ZNF564: variants seen among roughly 807,000 people sequenced by gnomAD.
ZNF564 encodes zinc finger protein 564.
Under a neutral mutation model 10.5 loss-of-function variants are expected in ZNF564, and 5 were observed. The ratio of observed to expected loss-of-function variants is 0.48; its 90% CI spans 0.25 to 1.00. The LOEUF is 1.00. Ranked by LOEUF, ZNF564 falls within the 50% of genes least tolerant of loss-of-function variation. The pLI, the probability that ZNF564 is intolerant of heterozygous loss-of-function variation, is 0.16. For synonymous variants in ZNF564, 242 were observed against 218.1 expected, an observed-to-expected ratio of 1.11 and a Z score of -0.97; for missense variants, 603 against 669.7, an observed-to-expected ratio of 0.90 and a Z score of 1.10.
rs1371383971 is a variant in ZNF564, at chr19:12,527,345, A to G, written c.763T>C (p.Cys255Arg). The change falls in exon 4 of 4, where the codon TGT becomes CGT. Residue 255 changes from cysteine to arginine, a missense_variant. Coordinates refer to ENST00000339282, the MANE Select transcript of ZNF564 (RefSeq NM_144976.4). ...TCAAAGGCTTTTCCACATTCCTGAC[A>G]TTTATAAGGTCCATCTCCAGTGTGC... is the stretch of plus-strand genomic sequence containing the variant. The part of the protein sequence containing the change: ...IRHTGDGPYK[C>R]QECGKAFDRP... The G allele has an allele frequency of 2.5e-6, 4 of 1,613,950 alleles. No individual in the cohort carries two copies. The highest frequency in any genetic ancestry group is 1.7e-5 in the Admixed American group (1 of 59,994).
At position 12,548,585 on chromosome 19, in the gene ZNF564, C is replaced by T. The variant is rs143974071; in HGVS notation, c.3+2745G>A. On this transcript the variant is annotated intron_variant, in intron 1 of 3. Transcript: ENST00000339282. ...CAGGATGGTCGCGATCTCCTGACCT[C>T]GTGATCCACCTGCCTTGGTGCTGGG... 803 of 508,552 alleles carry T rather than the reference C, an allele frequency of 1.6e-3. 6 individuals carry two copies. The highest frequency in any genetic ancestry group is 0.014 in the African/African-American group (745 of 52,464). The allele number at this position is 508,552 out of a possible 1,614,324, so 31.5% of individuals were successfully genotyped here. A position where few individuals can be genotyped will look rare whatever the true frequency, so the allele number is the denominator to read the frequency against.
chr19:12,544,268 G>A (rs2022112033), intron 1 of ZNF564, among the ~76,000 whole-genome samples: 1 of 151,196 alleles, frequency 6.6e-6, no homozygotes, highest in Admixed American at 6.6e-5. Flanking sequence ...GTGAACCTAT[G>A]ACAGAGCAGG....
chr19:12,541,787 A>G (rs984870392), intron 1 of ZNF564, among the ~76,000 whole-genome samples: 2 of 138,928 alleles, frequency 1.4e-5, no homozygotes, highest in Non-Finnish European at 3.1e-5. Flanking sequence ...AGGCCGAGGC[A>G]GGCGGATCAC....
intron 1 of ZNF564, among the ~76,000 whole-genome samples, chr19:12,543,742 A>AC (rs2022103686): frequency 1.3e-5 from 2 of 151,486 alleles, no homozygotes; most frequent in Non-Finnish European, 2.9e-5. Context: ...AAGACTTCGT[A>AC]CAGTACACTG....
chr19:12,528,764 T>C (rs1315950775), intron 1 of ZNF564, 68 bp from the exon 2 acceptor site: 4 of 1,517,646 alleles, frequency 2.6e-6, no homozygotes, highest in Non-Finnish European at 3.5e-6. Context: ...TAAACCCAAT[T>C]CATAAAAGTT....
chr19:12,548,941 T>C, intron 1 of ZNF564: 1 of 695,526 alleles, frequency 1.4e-6, no homozygotes. Context: ...TCTGTAGCCA[T>C]AATGGAAGAC....
intron 1 of ZNF564, among the ~76,000 whole-genome samples, chr19:12,533,748 A>AAAAC (rs2021854041): frequency 2.7e-5 from 4 of 149,884 alleles, no homozygotes; most frequent in Non-Finnish European, 5.9e-5. Flanking sequence ...AAAAAAAAAA[A>AAAAC]AACAGAAAAA....
rs777354892 is a variant in ZNF564, at chr19:12,526,649, T to C, written c.1459A>G (p.Asn487Asp). The change falls in exon 4 of 4, where the codon AAT (asparagine) becomes GAT (aspartate). Residue 487 changes from asparagine to aspartate, a missense_variant. Physicochemically the swap from Asn to Asp is conservative, Grantham distance 23 (BLOSUM62 1). Transcript: ENST00000339282. ...TGTATTCTAATGGAACTGGCATAAT[T>C]GAATGCTTTCCCACATTCTTTACAT... is the stretch of plus-strand genomic sequence containing the variant. ...YECKECGKAF[N>D]YASSIRIHER... The C allele has an allele frequency of 1.2e-6, 2 of 1,614,146 alleles. No individual in the cohort carries two copies. Among genetic ancestry groups the C allele is most frequent in the South Asian group, 2.2e-5 (2 of 91,080 alleles).
chr19:12,535,043 G>GCAA (rs2021882325), intron 1 of ZNF564, among the ~76,000 whole-genome samples: 1 of 152,042 alleles, frequency 6.6e-6, no homozygotes, highest in African/African-American at 2.4e-5. Context: ...ATGAAAAGAA[G>GCAA]ATATCAAGCC....
chr19:12,538,403 A>G (rs1456139285), intron 1 of ZNF564, among the ~76,000 whole-genome samples: 1 of 151,928 alleles, frequency 6.6e-6, no homozygotes, highest in East Asian at 1.9e-4. Flanking sequence ...AGGTGGGTGG[A>G]TCACGAGGTC....
At chr19:12,549,303 C>T (rs1337498594) in intron 1 of ZNF564, among the ~76,000 whole-genome samples, 1 of 152,098 alleles carries the variant, frequency 6.6e-6, no homozygotes, top group Non-Finnish European at 1.5e-5. Context: ...CAGGGAGAGG[C>T]AATGCTGACC....
At chr19:12,547,472 G>C (rs774855418) in intron 1 of ZNF564, among the ~76,000 whole-genome samples, 10 of 152,036 alleles carry the variant, frequency 6.6e-5, no homozygotes, top group East Asian at 1.9e-4. Flanking sequence ...CGGATTTCTT[G>C]TATTTGAGGA....
At position 12,551,392 on chromosome 19, in the gene ZNF564, C is replaced by G; in HGVS notation, c.-60G>C. The G allele has an allele frequency of 6.6e-7, 1 of 1,519,250 alleles. No individual in the cohort carries two copies. Among genetic ancestry groups the G allele is most frequent in the African/African-American group, 1.4e-5 (1 of 70,958 alleles). 94.1% of individuals were successfully genotyped at this position (1,519,250 alleles called of 1,614,324 possible). ...ACGGCTCTCTCCGGCCTGTGCAGGT[C>G]CCAGCGCGCCAGACGCTGCGGTGGA... is the stretch of plus-strand genomic sequence containing the variant. On this transcript the variant is annotated 5_prime_UTR_variant, in exon 1 of 4. Transcript: ENST00000339282.
chr19:12,539,504 A>G (rs2021994364), intron 1 of ZNF564, among the ~76,000 whole-genome samples: 1 of 130,960 alleles, frequency 7.6e-6, no homozygotes, highest in Non-Finnish European at 1.7e-5. Context: ...ATAAAAATAC[A>G]AAAAAAAAAA....
At chr19:12,535,057 A>G (rs1288238934) in intron 1 of ZNF564, among the ~76,000 whole-genome samples, 1 of 152,074 alleles carries the variant, frequency 6.6e-6, no homozygotes, top group African/African-American at 2.4e-5. Context: ...TCAAGCCATG[A>G]TAAGACATAG....
chr19:12,550,863 A>G (rs561358439), intron 1 of ZNF564, among the ~76,000 whole-genome samples: 193 of 152,058 alleles, frequency 1.3e-3, no homozygotes, highest in African/African-American at 4.4e-3. Context: ...AAGCTAGGCT[A>G]AAAAAAACGG....
chr19:12,549,155 G>A (rs1343176440), intron 1 of ZNF564, among the ~76,000 whole-genome samples: 1 of 152,146 alleles, frequency 6.6e-6, no homozygotes, highest in Non-Finnish European at 1.5e-5. Flanking sequence ...TCTACTTTCT[G>A]CCTCTTTCTC....
Position 12,537,678 on chromosome 19 carries a change from C to T in ZNF564, c.4-8982G>A, listed in dbSNP as rs371804299. Among the ~76,000 whole-genome samples the T allele has an allele frequency of 4.8e-4, 69 of 143,434 alleles. 1 individual carries two copies. Among genetic ancestry groups the T allele is most frequent in the African/African-American group, 1.6e-3 (61 of 38,908 alleles). 94.1% of individuals were successfully genotyped at this position (143,434 alleles called of 152,430 possible). A position where few individuals can be genotyped will look rare whatever the true frequency, so the allele number is the denominator to read the frequency against. ...ACTTGAACCCGGGAGGCGGAGGTTG[C>T]GGTGAGCCGAGATTTCGCCATTGCA... On this transcript the variant is annotated intron_variant, in intron 1 of 3. Coordinates refer to ENST00000339282, the MANE Select transcript of ZNF564 (RefSeq NM_144976.4).
At chr19:12,534,179 T>C (rs2021863151) in intron 1 of ZNF564, among the ~76,000 whole-genome samples, 1 of 151,940 alleles carries the variant, frequency 6.6e-6, no homozygotes, top group African/African-American at 2.4e-5. Flanking sequence ...CCACTACTAT[T>C]CAACAACATC....
Sources: gnomAD v4.1 joint callset for allele counts (sites outside exome capture counted in the v4.1 genomes callset) on GRCh38, gnomAD v4.1.1 for gene constraint, MANE v1.5 for transcripts, NCBI Gene and HGNC (gene_info 2026-07-23, HGNC 2026-07-21) for gene names.